Variants in FMNL2 observed in about 807,000 individuals in gnomAD.
FMNL2 encodes the protein formin like 2.
Under a neutral mutation model 130.2 loss-of-function variants are expected in FMNL2, and 51 were observed. That is an observed-to-expected ratio of 0.39 (90% confidence interval 0.31 to 0.49). FMNL2 has a LOEUF of 0.49. Among genes scored for constraint, FMNL2 ranks in the 20% least tolerant of loss-of-function variants. The pLI is 0.85. For missense variants in FMNL2, 977 were observed against 1,316.2 expected (o/e 0.74, Z 3.99); for synonymous variants, 465 against 467.1 (o/e 1.00, Z 0.06).
At chr2:152,439,564 A>C (rs943717159) in intron 1 of FMNL2, among the ~76,000 whole-genome samples, 1 of 152,110 alleles carries the variant, frequency 6.6e-6, no homozygotes, top group African/African-American at 2.4e-5. Context: ...CTGAACCTTC[A>C]TCCATAAATT....
intron 6 of FMNL2, among the ~76,000 whole-genome samples, chr2:152,563,691 C>T (rs569826450): frequency 6.6e-6 from 1 of 151,870 alleles, no homozygotes; most frequent in East Asian, 1.9e-4. Flanking sequence ...TTCTTTTTAC[C>T]ATCCTCCCTT....
At chr2:152,616,846 T>A (rs1185921764) in intron 12 of FMNL2, among the ~76,000 whole-genome samples, 3 of 152,224 alleles carry the variant, frequency 2.0e-5, no homozygotes, top group African/African-American at 7.2e-5. Flanking sequence ...AGGCACACTG[T>A]GTATGTTGAA....
chr2:152,524,464 GCA>G (rs547317279), intron 2 of FMNL2, among the ~76,000 whole-genome samples: 112 of 152,292 alleles, frequency 7.4e-4, no homozygotes, highest in African/African-American at 2.6e-3. Context: ...GATTTTGGGT[GCA>G]GTGAGGTGTA....
chr2:152,616,804 C>G (rs1291443283), intron 12 of FMNL2, among the ~76,000 whole-genome samples: 9 of 152,276 alleles, frequency 5.9e-5, no homozygotes, highest in Middle Eastern at 6.8e-3. Flanking sequence ...TTACTTTCCT[C>G]TACCCTTGCT....
intron 24 of FMNL2, among the ~76,000 whole-genome samples, chr2:152,640,359 G>A (rs935264460): frequency 1.3e-5 from 2 of 152,210 alleles, no homozygotes; most frequent in African/African-American, 4.8e-5. Context: ...ATCCAGAGAA[G>A]GCTTTATGCA....
intron 9 of FMNL2, among the ~76,000 whole-genome samples, chr2:152,606,345 C>T (rs1271542922): frequency 6.6e-6 from 1 of 152,106 alleles, no homozygotes; most frequent in Admixed American, 6.6e-5. Flanking sequence ...ATGAATAAAC[C>T]AGTGGGTATA....
chr2:152,540,786 A>G (rs778147234), intron 2 of FMNL2, among the ~76,000 whole-genome samples: 36 of 152,092 alleles, frequency 2.4e-4, no homozygotes, highest in Non-Finnish European at 4.1e-4. Context: ...GCACACGTAT[A>G]CATATGTAAC....
chr2:152,603,090 G>A (rs1433286888), intron 9 of FMNL2, among the ~76,000 whole-genome samples: 1 of 152,192 alleles, frequency 6.6e-6, no homozygotes, highest in African/African-American at 2.4e-5. Context: ...AGAAACAAAT[G>A]TGAATCTGGC....
intron 1 of FMNL2, among the ~76,000 whole-genome samples, chr2:152,426,928 T>TA (rs57268460): frequency 0.078 from 11,928 of 152,162 alleles, 1,184 homozygotes; most frequent in East Asian, 0.52. Flanking sequence ...AAGAAATACA[T>TA]AAAAAATCAA....
Position 152,560,906 on chromosome 2 carries a change from G to A in FMNL2, c.467G>A (p.Ser156Asn). Residue 156 changes from serine (S) to asparagine (N), a missense_variant, in exon 6 of 26, where the codon AGT becomes AAT. By Grantham distance (46) the Ser-to-Asn change is conservative. Around this residue, in one of 4 missense-constraint regions of FMNL2, gnomAD observed 689 missense variants for 995.9 expected, o/e 0.69. Coordinates refer to ENST00000288670, the MANE Select transcript of FMNL2 (RefSeq NM_052905.4). Reference protein sequence around the residue: ...AVTFDFESVESTVESSVDKSK... With the variant: ...AVTFDFESVENTVESSVDKSK... ...AGTTTTGACTTTGAAAGTGTGGAGA[G>A]TACTGTGGAGAGCTCGGTGGACAAA... The A allele has an allele frequency of 6.2e-7, 1 of 1,612,790 alleles. No individual in the cohort carries two copies.
chr2:152,414,175 T>G (rs1008742149), intron 1 of FMNL2, among the ~76,000 whole-genome samples: 5 of 152,220 alleles, frequency 3.3e-5, no homozygotes, highest in Non-Finnish European at 5.9e-5. Context: ...TTTCTGAACC[T>G]GCTAACTACA....
chr2:152,542,779 A>G lies in FMNL2; in HGVS notation c.242A>G (p.Gln81Arg). The change falls in exon 3 of 26, where the codon CAA becomes CGA. Residue 81 changes from glutamine (Q) to arginine (R), a missense_variant. Transcript: ENST00000288670. The stretch of plus-strand genomic sequence containing the variant: ...AAGAATCCTCCCCATACATACATTC[A>G]AAAGCTCAAAGGCTATCTGGATCCA... Reference protein sequence around the residue: ...QVKNPPHTYIQKLKGYLDPAV... With the variant: ...QVKNPPHTYIRKLKGYLDPAV... 1 of 1,614,072 alleles carries G rather than the reference A, an allele frequency of 6.2e-7. No homozygotes were observed. The highest frequency in any genetic ancestry group is 8.5e-7 in the Non-Finnish European group (1 of 1,179,934).
intron 1 of FMNL2, among the ~76,000 whole-genome samples, chr2:152,509,338 T>A (rs1692355946): frequency 6.6e-6 from 1 of 152,222 alleles, no homozygotes; most frequent in Non-Finnish European, 1.5e-5. Context: ...TGTTGTGCAT[T>A]GTATGTATAA....
At chr2:152,368,741 C>T (rs1230469396) in intron 1 of FMNL2, among the ~76,000 whole-genome samples, 1 of 152,152 alleles carries the variant, frequency 6.6e-6, no homozygotes, top group Non-Finnish European at 1.5e-5. Context: ...TATTAAAAGT[C>T]ACTCAGGTGG....
Position 152,625,550 on chromosome 2 carries a change from G to A in FMNL2, c.1950G>A (p.Glu650=), listed in dbSNP as rs1559020979. 2.5e-6 allele frequency: 4 copies of A among 1,603,800 alleles called. No homozygotes were observed. In the South Asian group the frequency reaches 4.4e-5, roughly 18 times the overall value. The change falls in exon 16 of 26, where the codon GAG becomes GAA. Residue 650 remains glutamate (E), a synonymous_variant. Transcript: ENST00000288670. ...NGTVFNEIDD[E]RILEDLNVDE... ...CAGTCTTCAATGAAATTGATGATGA[G>A]CGAATTCTGGAGGTATTTTTCTCAT...
intron 1 of FMNL2, among the ~76,000 whole-genome samples, chr2:152,443,581 G>A (rs575983644): frequency 2.6e-5 from 4 of 152,052 alleles, no homozygotes; most frequent in Non-Finnish European, 5.9e-5. Flanking sequence ...GGTGGCTCAC[G>A]CCTATAATCC....
At chr2:152,631,662 G>A (rs570814679) in intron 20 of FMNL2, among the ~76,000 whole-genome samples, 1 of 152,248 alleles carries the variant, frequency 6.6e-6, no homozygotes, top group Non-Finnish European at 1.5e-5. Flanking sequence ...TTTCCACTTA[G>A]TATTTTTGGA....
At chr2:152,345,409 G>T (rs1214233943) in intron 1 of FMNL2, among the ~76,000 whole-genome samples, 1 of 152,154 alleles carries the variant, frequency 6.6e-6, no homozygotes, top group Non-Finnish European at 1.5e-5. Context: ...CTAATAGCAG[G>T]AGAAGTTGGA....
chr2:152,524,088 G>C, intron 2 of FMNL2, among the ~76,000 whole-genome samples: 1 of 152,090 alleles, frequency 6.6e-6, no homozygotes, highest in Non-Finnish European at 1.5e-5. Context: ...GCAATTCACT[G>C]CTCATTTTTA....
Sources: allele counts gnomAD v4.1 joint callset (sites outside exome capture counted in the v4.1 genomes callset), GRCh38; gene constraint gnomAD v4.1.1; regional missense constraint gnomAD v4.1.1; transcripts MANE v1.5; gene names NCBI Gene and HGNC (gene_info 2026-07-23, HGNC 2026-07-21).